Variants in LYRM4 observed in about 807,000 individuals in gnomAD.
LYRM4 encodes the protein LYR motif containing 4, also known as LYR motif-containing protein 4.
LYRM4 carries 9 observed loss-of-function variants against 11.7 expected under a neutral mutation model. That is an observed-to-expected ratio of 0.77 (90% CI 0.46 to 1.34). LYRM4 has a LOEUF of 1.34. LYRM4 is among the 40% of genes most tolerant of loss of function. The probability of loss-of-function intolerance (pLI) is 0.00; values close to 1 mark genes in which losing one functional copy is unlikely to be tolerated. For synonymous variants in LYRM4, 42 were observed against 40.4 expected, an observed-to-expected ratio of 1.04 and a Z score of -0.15; for missense variants, 133 against 112.5, an observed-to-expected ratio of 1.18 and a Z score of -0.82.
At chr6:5,086,831 A>C in the LYRM4 span, 1 of 492,840 alleles carries the variant, frequency 2.0e-6, no homozygotes, top group Non-Finnish European at 3.5e-6. Flanking sequence ...TAGAATTCCC[A>C]GCCTGCGTCA....
the LYRM4 span, among the ~76,000 whole-genome samples, chr6:5,076,628 A>G: frequency 2.6e-5 from 4 of 152,134 alleles, no homozygotes; most frequent in Admixed American, 1.3e-4. Flanking sequence ...TGGGGTTGGG[A>G]TGGTATCACC....
chr6:5,156,164 A>T (rs1758400204), intron 2 of LYRM4, among the ~76,000 whole-genome samples: 1 of 152,226 alleles, frequency 6.6e-6, no homozygotes, highest in East Asian at 1.9e-4. Flanking sequence ...TCTGAAGAGG[A>T]AGACTGTGTT....
chr6:5,144,313 C>G, intron 2 of LYRM4: 1 of 1,534,446 alleles, frequency 6.5e-7, no homozygotes, highest in Non-Finnish European at 8.7e-7. Flanking sequence ...TCAGTTTGGA[C>G]AAGAAAAAGA....
At chr6:5,097,985 T>C in the LYRM4 span, among the ~76,000 whole-genome samples, 10 of 152,198 alleles carry the variant, frequency 6.6e-5, no homozygotes, top group Non-Finnish European at 1.2e-4. Flanking sequence ...TGTGTGTTTT[T>C]ATACAAAAAA....
At position 5,109,130 on chromosome 6, in the gene LYRM4, A is replaced by C; in HGVS notation, c.*293T>G. On this transcript the variant is annotated 3_prime_UTR_variant, in exon 3 of 3. Transcript: ENST00000330636. The stretch of plus-strand genomic sequence containing the variant: ...AAGAAACAAAGTGTAGAAATGCTAT[A>C]CACAATGGTCATGAGCTACAAGGTA... 6 of 1,236,734 alleles carry C rather than the reference A, an allele frequency of 4.9e-6. No individual in the cohort carries two copies. Among genetic ancestry groups the C allele is most frequent in the Non-Finnish European group, 6.1e-6 (6 of 979,898 alleles). The allele number at this position is 1,236,734 out of a possible 1,614,324, so 76.6% of individuals were successfully genotyped here.
chr6:5,201,862 G>A (rs1449670475), intron 2 of LYRM4, among the ~76,000 whole-genome samples: 6 of 152,188 alleles, frequency 3.9e-5, no homozygotes, highest in Non-Finnish European at 8.8e-5. Flanking sequence ...ATATGGTGAT[G>A]GAGACCTCAG....
At chr6:5,211,116 G>A (rs1235747686) in intron 2 of LYRM4, among the ~76,000 whole-genome samples, 1 of 152,108 alleles carries the variant, frequency 6.6e-6, no homozygotes, top group Non-Finnish European at 1.5e-5. Flanking sequence ...GAGATATGGG[G>A]TGCACTATCT....
the LYRM4 span, among the ~76,000 whole-genome samples, chr6:5,083,590 G>A: frequency 6.6e-6 from 1 of 152,186 alleles, no homozygotes; most frequent in Non-Finnish European, 1.5e-5. Flanking sequence ...GGGCCTTGGC[G>A]ATGAGAAATC....
At chr6:5,189,874 T>C (rs545450866) in intron 2 of LYRM4, among the ~76,000 whole-genome samples, 1 of 152,352 alleles carries the variant, frequency 6.6e-6, no homozygotes, top group East Asian at 1.9e-4. Context: ...GAAATCTTTA[T>C]ATAACAGAGG....
chr6:5,248,707 T>C (rs1764304462), intron 1 of LYRM4, among the ~76,000 whole-genome samples: 1 of 152,276 alleles, frequency 6.6e-6, no homozygotes, highest in Non-Finnish European at 1.5e-5. Context: ...GTTAGGCTGC[T>C]GTCTCTCCTA....
chr6:5,198,916 A>G (rs1477308932), intron 2 of LYRM4, among the ~76,000 whole-genome samples: 2 of 152,248 alleles, frequency 1.3e-5, no homozygotes, highest in Admixed American at 1.3e-4. Flanking sequence ...AGTGTTTACA[A>G]GAATGGGGCA....
At chr6:5,125,369 T>C (rs1763653753) in intron 2 of LYRM4, among the ~76,000 whole-genome samples, 1 of 152,186 alleles carries the variant, frequency 6.6e-6, no homozygotes, top group African/African-American at 2.4e-5. Context: ...ATGGAACCTT[T>C]GGTCTAGGCA....
At chr6:5,198,203 A>C (rs1009603976) in intron 2 of LYRM4, among the ~76,000 whole-genome samples, 1 of 152,078 alleles carries the variant, frequency 6.6e-6, no homozygotes, top group Admixed American at 6.6e-5. Flanking sequence ...CGTCTCAAAG[A>C]AAAAAAAGAA....
At chr6:5,251,285 T>C (rs1490164831) in intron 1 of LYRM4, among the ~76,000 whole-genome samples, 1 of 152,232 alleles carries the variant, frequency 6.6e-6, no homozygotes, top group Admixed American at 6.5e-5. Flanking sequence ...AGCTGCCCTG[T>C]TTTACAAAGT....
intron 2 of LYRM4, among the ~76,000 whole-genome samples, chr6:5,114,500 A>T (rs1468390651): frequency 3.3e-5 from 5 of 152,228 alleles, no homozygotes; most frequent in Non-Finnish European, 7.3e-5. Context: ...GAAGGGGGTG[A>T]TCTGTGCCCC....
At chr6:5,205,521 G>C (rs1341285292) in intron 2 of LYRM4, among the ~76,000 whole-genome samples, 1 of 152,010 alleles carries the variant, frequency 6.6e-6, no homozygotes, top group Non-Finnish European at 1.5e-5. Context: ...AGAGAAAAAA[G>C]TATGGTCAAT....
chr6:5,075,481 T>C, the LYRM4 span, among the ~76,000 whole-genome samples: 1 of 152,138 alleles, frequency 6.6e-6, no homozygotes, highest in Non-Finnish European at 1.5e-5. Flanking sequence ...ACTTGGTAGG[T>C]GGATATAGTT....
chr6:5,066,174 T>A, the LYRM4 span: 1 of 662,138 alleles, frequency 1.5e-6, no homozygotes, highest in South Asian at 1.4e-5. Flanking sequence ...ATACATCAAA[T>A]GACGACCAAG....
the LYRM4 span, chr6:5,085,264 G>A: frequency 2.2e-6 from 1 of 454,562 alleles, no homozygotes. Flanking sequence ...CCCCGGAGCC[G>A]GCCCCAGGCC....
Sources: allele counts gnomAD v4.1 joint callset (sites outside exome capture counted in the v4.1 genomes callset), GRCh38; gene constraint gnomAD v4.1.1; transcripts MANE v1.5; gene names NCBI Gene and HGNC (gene_info 2026-07-23, HGNC 2026-07-21).